ERC2: variants seen among roughly 807,000 people sequenced by gnomAD.
ERC2 encodes ELKS/RAB6-interacting/CAST family member 2.
ERC2 carries 42 observed loss-of-function variants against 114.8 expected under a neutral mutation model. The ratio of observed to expected loss-of-function variants is 0.37; its 90% confidence interval spans 0.29 to 0.47. ERC2 has a LOEUF of 0.47. ERC2 is among the 20% of genes least tolerant of loss of function. ERC2 has a pLI of 0.99. For synonymous variants in ERC2, 454 were observed against 425.5 expected, an observed-to-expected ratio of 1.07 and a Z score of -0.82; for missense variants, 939 against 1,150.7, an observed-to-expected ratio of 0.82 and a Z score of 2.66.
At chr3:56,278,325 A>C (rs1013261170) in intron 3 of ERC2, among the ~76,000 whole-genome samples, 9 of 152,224 alleles carry the variant, frequency 5.9e-5, no homozygotes, top group African/African-American at 2.2e-4. Context: ...TTGTCCAATC[A>C]TGCGAAGATA....
intron 2 of ERC2, among the ~76,000 whole-genome samples, chr3:56,428,827 C>T (rs942870015): frequency 2.0e-5 from 3 of 152,206 alleles, no homozygotes; most frequent in Non-Finnish European, 4.4e-5. Flanking sequence ...GACAGGTTTA[C>T]TTACACTTCT....
At chr3:56,187,188 GT>G (rs2083679306) in intron 3 of ERC2, among the ~76,000 whole-genome samples, 1 of 152,132 alleles carries the variant, frequency 6.6e-6, no homozygotes, top group Non-Finnish European at 1.5e-5. Flanking sequence ...CTGCCTGTGG[GT>G]TCCCCCAGCA....
rs1484084371 is a variant in ERC2 at position 55,821,898 on chromosome 3, G to A, written c.2564+66491C>T. The stretch of plus-strand genomic sequence containing the variant: ...CCCACACCTTGCCTAAGGTCACACA[G>A]CTGGCAGGTGTCAGGACAGAGAGAG... On this transcript the variant is annotated intron_variant, in intron 14 of 17. Coordinates refer to ENST00000288221, the MANE Select transcript of ERC2 (RefSeq NM_015576.3). Among the ~76,000 whole-genome samples the A allele has an allele frequency of 2.6e-5, 4 of 152,254 alleles. No individual in the cohort carries two copies. In the East Asian group the frequency reaches 5.8e-4, roughly 22 times the overall value.
chr3:56,427,644 A>C (rs1271098677), intron 2 of ERC2, among the ~76,000 whole-genome samples: 1 of 152,128 alleles, frequency 6.6e-6, no homozygotes, highest in Non-Finnish European at 1.5e-5. Context: ...AAAAGGAGAA[A>C]TTTGGATGCA....
At chr3:55,819,497 C>A (rs2060035770) in intron 14 of ERC2, among the ~76,000 whole-genome samples, 1 of 152,172 alleles carries the variant, frequency 6.6e-6, no homozygotes, top group African/African-American at 2.4e-5. Context: ...ACTTTCCTGA[C>A]CTTTGACTGC....
intron 2 of ERC2, 23 bp from the exon 3 acceptor site, chr3:56,296,458 G>A: frequency 6.3e-7 from 1 of 1,579,176 alleles, no homozygotes; most frequent in South Asian, 1.1e-5. Flanking sequence ...AGATGGAGCG[G>A]GAGAGGAGAA....
At chr3:55,788,074 G>C (rs1348437720) in intron 14 of ERC2, among the ~76,000 whole-genome samples, 3 of 152,162 alleles carry the variant, frequency 2.0e-5, no homozygotes, top group African/African-American at 7.2e-5. Flanking sequence ...TACTAAAAGG[G>C]AGAGGAGATT....
intron 2 of ERC2, among the ~76,000 whole-genome samples, chr3:56,398,203 A>G (rs2060385586): frequency 6.6e-6 from 1 of 152,208 alleles, no homozygotes; most frequent in Non-Finnish European, 1.5e-5. Flanking sequence ...GCAACAAAGA[A>G]CATTCCTATG....
chr3:56,170,834 G>A (rs189926263), intron 4 of ERC2, among the ~76,000 whole-genome samples: 130 of 144,988 alleles, frequency 9.0e-4, no homozygotes, highest in African/African-American at 3.0e-3. Flanking sequence ...GCACGATCTC[G>A]ACTCACTGCA....
intron 8 of ERC2, among the ~76,000 whole-genome samples, chr3:56,011,321 C>A (rs1357927550): frequency 6.6e-6 from 1 of 152,132 alleles, no homozygotes; most frequent in Non-Finnish European, 1.5e-5. Flanking sequence ...CTCATCAGCC[C>A]TCATCACAAG....
intron 3 of ERC2, among the ~76,000 whole-genome samples, chr3:56,258,235 G>A (rs1450709186): frequency 1.3e-5 from 2 of 150,686 alleles, no homozygotes; most frequent in African/African-American, 4.9e-5. Context: ...TTTCTGTAAA[G>A]GGCCAGATAA....
intron 6 of ERC2, among the ~76,000 whole-genome samples, chr3:56,098,011 G>GA (rs1349948334): frequency 1.3e-5 from 2 of 152,164 alleles, no homozygotes; most frequent in Non-Finnish European, 2.9e-5. Flanking sequence ...TAGGGAGGGG[G>GA]AAAATGTGCT....
intron 15 of ERC2, among the ~76,000 whole-genome samples, chr3:55,704,517 C>T (rs1262842664): frequency 6.6e-6 from 1 of 152,224 alleles, no homozygotes; most frequent in African/African-American, 2.4e-5. Flanking sequence ...TTCAGGAACT[C>T]TTCTACTGTC....
At chr3:55,920,496 T>A (rs932237371) in intron 13 of ERC2, among the ~76,000 whole-genome samples, 1 of 151,632 alleles carries the variant, frequency 6.6e-6, no homozygotes, top group Non-Finnish European at 1.5e-5. Flanking sequence ...AACAGGCATC[T>A]GGGTGATGGG....
chr3:56,362,232 G>A (rs549924179), intron 2 of ERC2, among the ~76,000 whole-genome samples: 18 of 152,304 alleles, frequency 1.2e-4, no homozygotes, highest in Admixed American at 1.2e-3. Context: ...AGGAAATCAA[G>A]GAGGAATTTT....
At chr3:55,694,058 T>G (rs1369618173) in intron 16 of ERC2, among the ~76,000 whole-genome samples, 2 of 152,128 alleles carry the variant, frequency 1.3e-5, no homozygotes, top group Non-Finnish European at 2.9e-5. Context: ...AGGATAAAAT[T>G]TACTACAATT....
chr3:55,826,276 C>T (rs1189628211), intron 14 of ERC2, among the ~76,000 whole-genome samples: 1 of 152,186 alleles, frequency 6.6e-6, no homozygotes, highest in Non-Finnish European at 1.5e-5. Context: ...CTCTAGTGTA[C>T]TTGGCCTCAA....
intron 17 of ERC2, among the ~76,000 whole-genome samples, chr3:55,530,392 A>G (rs1228260808): frequency 6.6e-6 from 1 of 152,142 alleles, no homozygotes; most frequent in Non-Finnish European, 1.5e-5. Context: ...TAAAACAAAA[A>G]CAGGAGGCAG....
At chr3:56,217,834 A>G (rs1259514457) in intron 3 of ERC2, among the ~76,000 whole-genome samples, 3 of 152,154 alleles carry the variant, frequency 2.0e-5, no homozygotes, top group African/African-American at 4.8e-5. Flanking sequence ...AAATAATGCC[A>G]CGTATCTACA....
Sources: gnomAD v4.1 joint callset for allele counts (sites outside exome capture counted in the v4.1 genomes callset) on GRCh38, gnomAD v4.1.1 for gene constraint, MANE v1.5 for transcripts, NCBI Gene and HGNC (gene_info 2026-07-23, HGNC 2026-07-21) for gene names.